Variants in RAB15 observed in about 807,000 individuals in gnomAD.
The protein encoded by RAB15 is ras-related protein Rab-15.
A neutral mutation model predicts 31.8 loss-of-function variants in RAB15; 13 were observed. That is an observed-to-expected ratio of 0.41 (90% CI 0.27 to 0.65). The LOEUF is 0.65. Ranked by LOEUF, RAB15 falls within the 30% of genes least tolerant of loss-of-function variation. RAB15 has a pLI of 0.32. For synonymous variants in RAB15, 100 were observed against 105.6 expected, an observed-to-expected ratio of 0.95 and a Z score of 0.33; for missense variants, 220 against 277.3, an observed-to-expected ratio of 0.79 and a Z score of 1.47.
chr14:64,948,291 C>G lies in RAB15; in HGVS notation c.*63G>C. On this transcript the variant is annotated 3_prime_UTR_variant, in exon 7 of 7. Coordinates refer to ENST00000533601, the MANE Select transcript of RAB15 (RefSeq NM_001308154.2). This position sits in a 1 kb window ranked among gnomAD's most constrained non-coding sequence, Gnocchi z 7.0. ...CAGCAGCAGGGCAAAGCCCCGGCTC[C>G]CCTGTCTGCCCACGGGCCTCCTGAG... 7.0e-7 allele frequency: 1 copy of G among 1,431,980 alleles called. No individual in the cohort carries two copies. The highest frequency in any genetic ancestry group is 2.5e-5 in the East Asian group (1 of 39,608). 88.7% of individuals were successfully genotyped at this position (1,431,980 alleles called of 1,614,324 possible).
At chr14:64,964,535 A>G (rs1267539830) in intron 1 of RAB15, among the ~76,000 whole-genome samples, 7 of 151,222 alleles carry the variant, frequency 4.6e-5, no homozygotes, top group South Asian at 4.1e-4. Context: ...AAAAAAGAAA[A>G]AAAGAAAAAA....
Position 64,947,695 on chromosome 14 carries a change from G to C in RAB15, c.*659C>G, listed in dbSNP as rs555240911. The C allele has an allele frequency of 6.5e-6, 1 of 152,892 alleles. No homozygotes were observed. The highest frequency in any genetic ancestry group is 2.1e-4 in the South Asian group (1 of 4,832). 9.5% of individuals were successfully genotyped at this position (152,892 alleles called of 1,614,324 possible). On this transcript the variant is annotated 3_prime_UTR_variant, in exon 7 of 7. Transcript: ENST00000533601. The surrounding 1 kb of genome is among the most constrained non-coding windows in gnomAD (Gnocchi z 5.6). ...CCTACCTCGATGCTCCACTTTCGCA[G>C]GTCACTGGGGAGGCAGGCCCATGGC...
chr14:64,960,597 ATTT>A (rs1198388613), intron 1 of RAB15, among the ~76,000 whole-genome samples: 2 of 150,766 alleles, frequency 1.3e-5, no homozygotes, highest in Non-Finnish European at 3.0e-5. Flanking sequence ...TTCTCAGAGA[ATTT>A]TTTTTTTAAG....
At chr14:64,965,938 G>T (rs1292700423) in intron 1 of RAB15, among the ~76,000 whole-genome samples, 2 of 152,094 alleles carry the variant, frequency 1.3e-5, no homozygotes, top group African/African-American at 4.8e-5. Context: ...AGGGGTGGGA[G>T]GCCGAGTCTG....
In RAB15 at chr14:64,963,991, G is replaced by A. The variant is rs550714591; in HGVS notation, c.124+7962C>T. Among the ~76,000 whole-genome samples, 48 of 152,194 alleles carry A rather than the reference G, an allele frequency of 3.2e-4. No homozygotes were observed. In the South Asian group the frequency reaches 9.5e-3, roughly 30 times the overall value. On this transcript the variant is annotated intron_variant, in intron 1 of 6. Coordinates refer to ENST00000533601, the MANE Select transcript of RAB15 (RefSeq NM_001308154.2). ...TTTTGCATAATATTCTGCTTGTTTG[G>A]ATGTCTGGTTCCCAGCTACACTGTA...
chr14:64,971,997 C>G lies in RAB15; in HGVS notation c.80G>C (p.Arg27Pro), dbSNP rs1354794506. ...SGVGKTCLLC[R>P]FTDNEFHSSH... ...GGAGTGGAACTCGTTGTCGGTGAAGCGGCACAGCAGGCAGGTCTTGCCCAC... is the reference window on the plus strand; with the variant it reads ...GGAGTGGAACTCGTTGTCGGTGAAGGGGCACAGCAGGCAGGTCTTGCCCAC... Residue 27 changes from arginine (R) to proline (P), a missense_variant, in exon 1 of 7, where the codon CGC (arginine) becomes CCC (proline). Arg to Pro is a moderately radical substitution (Grantham distance 103). Transcript: ENST00000533601. The surrounding 1 kb of genome is among the most constrained non-coding windows in gnomAD (Gnocchi z 4.1). 1.2e-6 allele frequency: 2 copies of G among 1,605,778 alleles called. No homozygotes were observed. The highest frequency in any genetic ancestry group is 2.2e-5 in the South Asian group (2 of 89,598).
rs552084086 is a variant in RAB15, at chr14:64,947,082, T to G, written c.*1272A>C. Reference sequence around the variant, plus strand: ...CACCAAGCGTTTCTACCCAGGGCCTTCCTTCTCTCTTCCCATGAAGTCTTT... The same window carrying G: ...CACCAAGCGTTTCTACCCAGGGCCTGCCTTCTCTCTTCCCATGAAGTCTTT... On this transcript the variant is annotated 3_prime_UTR_variant, in exon 7 of 7. Transcript: ENST00000533601. The surrounding 1 kb of genome is among the most constrained non-coding windows in gnomAD (Gnocchi z 5.6). The G allele has an allele frequency of 2.0e-4, 30 of 152,770 alleles. No homozygotes were observed. The highest frequency in any genetic ancestry group is 1.5e-3 in the Admixed American group (23 of 15,302). The allele number at this position is 152,770 out of a possible 1,614,324, so 9.5% of individuals were successfully genotyped here. A position where few individuals can be genotyped will look rare whatever the true frequency, so the allele number is the denominator to read the frequency against.
rs1009730570 is a variant in RAB15 at position 64,947,902 on chromosome 14, C to T, written c.*452G>A. ...AGCGAGCTGCACACAGCAGGACACA[C>T]GGGGGACGGGGTTTGAGGAGCTTTG... On this transcript the variant is annotated 3_prime_UTR_variant, in exon 7 of 7. Transcript: ENST00000533601. This position sits in a 1 kb window ranked among gnomAD's most constrained non-coding sequence, Gnocchi z 5.6. 1.3e-4 allele frequency: 21 copies of T among 158,544 alleles called. 1 individual carries two copies. Among genetic ancestry groups the T allele is most frequent in the African/African-American group, 4.3e-4 (18 of 41,674 alleles). The allele number at this position is 158,544 out of a possible 1,614,324, so 9.8% of individuals were successfully genotyped here.
rs545774554 is a variant in RAB15, at chr14:64,954,228, G to C, written c.125-1657C>G. On this transcript the variant is annotated intron_variant, in intron 1 of 6. Transcript: ENST00000533601. This position sits in a 1 kb window ranked among gnomAD's most constrained non-coding sequence, Gnocchi z 4.3. ...GCAGCCATTCTTCCATGTGTGCAGA[G>C]AAAGAGTGAAGAGAAGGAGGGAGGA... 6 of 985,302 alleles carry C rather than the reference G, an allele frequency of 6.1e-6. No homozygotes were observed. Among genetic ancestry groups the C allele is most frequent in the Admixed American group, 6.1e-5 (1 of 16,264 alleles). The allele number at this position is 985,302 out of a possible 1,614,324, so 61.0% of individuals were successfully genotyped here. A position where few individuals can be genotyped will look rare whatever the true frequency, so the allele number is the denominator to read the frequency against.
In RAB15 at chr14:64,970,712, G is replaced by A. The variant is rs1455243335; in HGVS notation, c.124+1241C>T. 6.6e-6 allele frequency among the ~76,000 whole-genome samples: 1 copy of A among 152,182 alleles called. No homozygotes were observed. On this transcript the variant is annotated intron_variant, in intron 1 of 6. Transcript: ENST00000533601. This position sits in a 1 kb window ranked among gnomAD's most constrained non-coding sequence, Gnocchi z 4.1. ...GCAGGTAGGTGCAATTATTATACCC[G>A]TTCTACAGATGAGAAACTAAATAAA...
intron 1 of RAB15, among the ~76,000 whole-genome samples, chr14:64,967,500 T>C (rs1887197028): frequency 1.3e-5 from 2 of 151,886 alleles, no homozygotes; most frequent in African/African-American, 4.8e-5. Context: ...GGTGGGAGGA[T>C]TGCGTTTAGG....
Position 64,971,460 on chromosome 14 carries a change from C to T in RAB15, c.124+493G>A, listed in dbSNP as rs1887412759. 6.6e-6 allele frequency among the ~76,000 whole-genome samples: 1 copy of T among 152,170 alleles called. No homozygotes were observed. Among genetic ancestry groups the T allele is most frequent in the South Asian group, 2.1e-4 (1 of 4,826 alleles). On this transcript the variant is annotated intron_variant, in intron 1 of 6. Coordinates refer to ENST00000533601, the MANE Select transcript of RAB15 (RefSeq NM_001308154.2). This position sits in a 1 kb window ranked among gnomAD's most constrained non-coding sequence, Gnocchi z 4.1. ...CCCAACTCTGCCCTGGAAACTCGAT[C>T]CCTGTGGCCCCTCCGTACGTCCTCT...
rs550295426 is a variant in RAB15 at position 64,955,232 on chromosome 14, C to T, written c.125-2661G>A. 2.0e-5 allele frequency among the ~76,000 whole-genome samples: 3 copies of T among 152,222 alleles called. No homozygotes were observed. Among genetic ancestry groups the T allele is most frequent in the East Asian group, 3.9e-4 (2 of 5,174 alleles). On this transcript the variant is annotated intron_variant, in intron 1 of 6. Transcript: ENST00000533601. The surrounding 1 kb of genome is among the most constrained non-coding windows in gnomAD (Gnocchi z 4.4). ...CTATGTCTTCTGAAGGATTTTCCTT[C>T]CTCCCTCCCCGCCCACACAACCTCT...
rs774743235 is a variant in RAB15 at position 64,948,399 on chromosome 14, G to T, written c.594C>A (p.Gly198=). The change falls in exon 7 of 7, where the codon GGC becomes GGA. Residue 198 remains glycine (G), a synonymous_variant. Transcript: ENST00000533601. The surrounding 1 kb of genome is among the most constrained non-coding windows in gnomAD (Gnocchi z 7.0). ...AAGAGTTCGCTGGGCCCTCGGGTTT[G>T]CCCTCCTCCTCCTCCAGCTCTGCCA... is the stretch of plus-strand genomic sequence containing the variant. ...LALAELEEEE[G]KPEGPANSSK... The T allele has an allele frequency of 6.2e-7, 1 of 1,611,554 alleles. No homozygotes were observed. The highest frequency in any genetic ancestry group is 1.1e-5 in the South Asian group (1 of 90,762).
At chr14:64,969,477 T>C (rs1887314818) in intron 1 of RAB15, among the ~76,000 whole-genome samples, 1 of 152,214 alleles carries the variant, frequency 6.6e-6, no homozygotes, top group African/African-American at 2.4e-5. Context: ...TAAGAAAGCA[T>C]TTAAGATACC....
chr14:64,966,043 A>C (rs1006073814), intron 1 of RAB15, among the ~76,000 whole-genome samples: 1 of 152,124 alleles, frequency 6.6e-6, no homozygotes, highest in Non-Finnish European at 1.5e-5. Flanking sequence ...CTCTCCTCTC[A>C]GGTCACCCCA....
rs1886914627 is a variant in RAB15, at chr14:64,962,453, G to A, written c.124+9500C>T. Among the ~76,000 whole-genome samples, 1 of 152,170 alleles carries A rather than the reference G, an allele frequency of 6.6e-6. No homozygotes were observed. The highest frequency in any genetic ancestry group is 1.5e-5 in the Non-Finnish European group (1 of 68,044). Reference sequence around the variant, plus strand: ...TCCTTGTCATCAGAGCTTAATTCTAGTGGGGAAGACAGATGTAAGTAATGA... The same window carrying A: ...TCCTTGTCATCAGAGCTTAATTCTAATGGGGAAGACAGATGTAAGTAATGA... On this transcript the variant is annotated intron_variant, in intron 1 of 6. Transcript: ENST00000533601. This position sits in a 1 kb window ranked among gnomAD's most constrained non-coding sequence, Gnocchi z 4.2.
chr14:64,971,923 G>A lies in RAB15; in HGVS notation c.124+30C>T. Reference sequence around the variant, plus strand: ...GGGGAAAGGGGCCGCGGGCGGGGAGGGAGGGGCGCCCCGGGCCACCGCCCC... The same window carrying A: ...GGGGAAAGGGGCCGCGGGCGGGGAGAGAGGGGCGCCCCGGGCCACCGCCCC... On this transcript the variant is annotated intron_variant, in intron 1 of 6. Transcript: ENST00000533601. The surrounding 1 kb of genome is among the most constrained non-coding windows in gnomAD (Gnocchi z 4.1). 1 of 1,543,044 alleles carries A rather than the reference G, an allele frequency of 6.5e-7. No homozygotes were observed. The highest frequency in any genetic ancestry group is 8.7e-7 in the Non-Finnish European group (1 of 1,143,462).
chr14:64,966,023 C>G (rs1887117951), intron 1 of RAB15, among the ~76,000 whole-genome samples: 1 of 152,160 alleles, frequency 6.6e-6, no homozygotes, highest in Admixed American at 6.5e-5. Context: ...TGAGGCAAAG[C>G]CACCCCATCC....
Sources: allele counts gnomAD v4.1 joint callset (sites outside exome capture counted in the v4.1 genomes callset), GRCh38; gene constraint gnomAD v4.1.1; non-coding constraint Gnocchi (gnomAD v3.1); transcripts MANE v1.5; gene names NCBI Gene and HGNC (gene_info 2026-07-23, HGNC 2026-07-21).